Variants in ASH1L observed in about 807,000 individuals in gnomAD.
ASH1L encodes ASH1 like histone lysine methyltransferase.
In ASH1L, 23 loss-of-function variants were observed where a neutral mutation model predicts 269.0. That is an observed-to-expected ratio of 0.09 (90% confidence interval 0.06 to 0.12). The LOEUF (loss-of-function observed/expected upper bound fraction) is 0.12. Among genes scored for constraint, ASH1L ranks in the 10% least tolerant of loss-of-function variants. ASH1L has a pLI of 1.00. For synonymous variants in ASH1L, 1,187 were observed against 1,253.5 expected, an observed-to-expected ratio of 0.95 and a Z score of 1.12; for missense variants, 2,912 against 3,567.8, an observed-to-expected ratio of 0.82 and a Z score of 4.68.
intron 2 of ASH1L, among the ~76,000 whole-genome samples, chr1:155,493,873 C>CA (rs1014281861): frequency 1.3e-4 from 19 of 151,256 alleles, no homozygotes; most frequent in Admixed American, 3.3e-4. Context: ...GACTCCATCT[C>CA]AAAAAAAAAT....
chr1:155,434,641 A>G (rs1274113654), intron 5 of ASH1L, among the ~76,000 whole-genome samples: 1 of 152,100 alleles, frequency 6.6e-6, no homozygotes, highest in Admixed American at 6.6e-5. Flanking sequence ...TCATCAGGTC[A>G]GGAGTTTGAG....
intron 4 of ASH1L, among the ~76,000 whole-genome samples, chr1:155,446,237 A>C (rs1330285256): frequency 6.6e-6 from 1 of 151,362 alleles, no homozygotes; most frequent in Admixed American, 6.6e-5. Context: ...TTTATCGTTA[A>C]GACTTTAATG....
chr1:155,409,608 A>AT (rs1659593598), intron 6 of ASH1L, among the ~76,000 whole-genome samples: 1 of 152,114 alleles, frequency 6.6e-6, no homozygotes, highest in Admixed American at 6.6e-5. Flanking sequence ...TCCTGCCATG[A>AT]TTTTTAAATT....
chr1:155,347,514 C>T, intron 20 of ASH1L, 142 bp downstream of exon 20: 7 of 1,053,752 alleles, frequency 6.6e-6, no homozygotes, highest in South Asian at 6.2e-5. Flanking sequence ...ATAGTAAACA[C>T]AGAAACCTAA....
At chr1:155,517,580 C>T (rs956897903) in intron 2 of ASH1L, among the ~76,000 whole-genome samples, 1 of 151,594 alleles carries the variant, frequency 6.6e-6, no homozygotes, top group South Asian at 2.1e-4. Context: ...GCAGAGGCTG[C>T]GGTCTCAAGC....
chr1:155,481,769 C>G lies in ASH1L; in HGVS notation c.1101G>C (p.Leu367=). ...ATTTCTTTCCCAAATCTTTATTAAC[C>G]AGTCCAACCACAGTGCCAAGTCCTA... The part of the protein sequence containing the change: ...KKLGLGTVVG[L]VNKDLGKKLG... Residue 367 remains leucine (L), a synonymous_variant, in exon 3 of 28, where the codon CTG becomes CTC. Coordinates refer to ENST00000392403, the MANE Select transcript of ASH1L (RefSeq NM_018489.3). The G allele has an allele frequency of 6.2e-7, 1 of 1,614,176 alleles. No individual in the cohort carries two copies. The highest frequency in any genetic ancestry group is 8.5e-7 in the Non-Finnish European group (1 of 1,180,022).
Position 155,337,624 on chromosome 1 carries a change from G to A in ASH1L, c.*36C>T, listed in dbSNP as rs563184433. 6.4e-7 allele frequency: 1 copy of A among 1,572,362 alleles called. No individual in the cohort carries two copies. The highest frequency in any genetic ancestry group is 8.8e-7 in the Non-Finnish European group (1 of 1,142,648). On this transcript the variant is annotated 3_prime_UTR_variant, in exon 28 of 28. Coordinates refer to ENST00000392403, the MANE Select transcript of ASH1L (RefSeq NM_018489.3). ...GGAGGCAGGACTGATTAGCTCCACT[G>A]GATCCCAGATGCTTGAGGTTCTCAT...
chr1:155,487,319 A>G (rs924371638), intron 2 of ASH1L, among the ~76,000 whole-genome samples: 7 of 152,172 alleles, frequency 4.6e-5, no homozygotes, highest in African/African-American at 1.7e-4. Flanking sequence ...TACTCATGGT[A>G]AGGACAGTAA....
chr1:155,529,468 T>C (rs1669510407), intron 1 of ASH1L, among the ~76,000 whole-genome samples: 1 of 152,192 alleles, frequency 6.6e-6, no homozygotes, highest in Non-Finnish European at 1.5e-5. Flanking sequence ...TCCTCATGAT[T>C]GTTGGCTGCA....
chr1:155,447,693 C>G (rs1663140376), intron 4 of ASH1L, among the ~76,000 whole-genome samples: 1 of 152,084 alleles, frequency 6.6e-6, no homozygotes, highest in African/African-American at 2.4e-5. Flanking sequence ...AGTCTTTTGT[C>G]CATTTTTTAA....
At chr1:155,498,917 T>TA (rs56675557) in intron 2 of ASH1L, among the ~76,000 whole-genome samples, 3,583 of 80,120 alleles carry the variant, frequency 0.045, 114 homozygotes, top group African/African-American at 0.13. Flanking sequence ...AGAACAGGAG[T>TA]AAAAAAAAAA....
intron 1 of ASH1L, among the ~76,000 whole-genome samples, chr1:155,552,384 T>G (rs1671279466): frequency 6.6e-6 from 1 of 152,130 alleles, no homozygotes; most frequent in Non-Finnish European, 1.5e-5. Flanking sequence ...GAGAATTGCT[T>G]GAGCCCAGGA....
At chr1:155,528,353 T>C (rs1669417973) in intron 1 of ASH1L, among the ~76,000 whole-genome samples, 1 of 152,154 alleles carries the variant, frequency 6.6e-6, no homozygotes, top group Non-Finnish European at 1.5e-5. Context: ...TCAAAATGTA[T>C]GCAGAATCTA....
At chr1:155,344,082 C>G in intron 22 of ASH1L, 101 bp downstream of exon 22, 2 of 1,027,868 alleles carry the variant, frequency 1.9e-6, no homozygotes, top group Non-Finnish European at 2.9e-6. Context: ...TATTGCTATT[C>G]GAGGCCGTAT....
Position 155,480,952 on chromosome 1 carries a change from G to A in ASH1L, c.1918C>T (p.His640Tyr), listed in dbSNP as rs772576010. The A allele has an allele frequency of 1.9e-5, 30 of 1,613,814 alleles. No homozygotes were observed. Among genetic ancestry groups the A allele is most frequent in the African/African-American group, 5.3e-5 (4 of 74,892 alleles). The change falls in exon 3 of 28, where the codon CAT (histidine) becomes TAT (tyrosine). Residue 640 changes from histidine to tyrosine, a missense_variant. Coordinates refer to ENST00000392403, the MANE Select transcript of ASH1L (RefSeq NM_018489.3). Reference protein sequence around the residue: ...DKEVNDSKTTHIDIPRISSSL... With the variant: ...DKEVNDSKTTYIDIPRISSSL... ...GAGCTTATTCTTGGAATATCTATAT[G>A]GGTAGTTTTTGAATCATTTACCTCT...
chr1:155,514,653 C>T (rs780130515), intron 2 of ASH1L, among the ~76,000 whole-genome samples: 20 of 152,024 alleles, frequency 1.3e-4, no homozygotes, highest in Non-Finnish European at 2.8e-4. Context: ...GCAGTGGAGA[C>T]GATTTGCAAC....
Position 155,339,343 on chromosome 1 carries a change from T to C in ASH1L, c.8486A>G (p.Lys2829Arg). 1 of 1,613,708 alleles carries C rather than the reference T, an allele frequency of 6.2e-7. No individual in the cohort carries two copies. The highest frequency in any genetic ancestry group is 8.5e-7 in the Non-Finnish European group (1 of 1,179,638). ...TGGGACTTACCGTCCTCCATTCCTC[T>C]TGTAGTTGTCTGGGACGTAATGAGG... ...FSPHYVPDNY[K>R]RNGGRSSWKS... Residue 2829 changes from lysine to arginine, a missense_variant, in exon 26 of 28, where the codon AAG (lysine) becomes AGG (arginine). Transcript: ENST00000392403.
In ASH1L at chr1:155,336,757, C is replaced by T. The variant is rs1382396548; in HGVS notation, c.*903G>A. The T allele has an allele frequency of 6.6e-6, 1 of 152,274 alleles. No individual in the cohort carries two copies. The highest frequency in any genetic ancestry group is 6.5e-5 in the Admixed American group (1 of 15,272). 9.4% of individuals were successfully genotyped at this position (152,274 alleles called of 1,614,324 possible). A position where few individuals can be genotyped will look rare whatever the true frequency, so the allele number is the denominator to read the frequency against. On this transcript the variant is annotated 3_prime_UTR_variant, in exon 28 of 28. Coordinates refer to ENST00000392403, the MANE Select transcript of ASH1L (RefSeq NM_018489.3). The stretch of plus-strand genomic sequence containing the variant: ...CAAATACTCTGATAGGTGAATACTG[C>T]TGAACAGTTTATGTAGTGACTTTTG...
intron 2 of ASH1L, among the ~76,000 whole-genome samples, chr1:155,486,296 G>C (rs910077047): frequency 6.6e-6 from 1 of 152,128 alleles, no homozygotes; most frequent in Non-Finnish European, 1.5e-5. Flanking sequence ...TTTTGCCCAA[G>C]GGCAAACTGG....
Sources: gnomAD v4.1 joint callset for allele counts (sites outside exome capture counted in the v4.1 genomes callset) on GRCh38, gnomAD v4.1.1 for gene constraint, MANE v1.5 for transcripts, NCBI Gene and HGNC (gene_info 2026-07-23, HGNC 2026-07-21) for gene names.